The following DIS3 variants were observed in gnomAD, a reference collection of about 807,000 sequenced individuals.
The protein encoded by DIS3 is DIS3 exosome endoribonuclease and 3'-5' exoribonuclease, also known as exosome complex exonuclease RRP44.
In DIS3, 103 loss-of-function variants were observed where a neutral mutation model predicts 113.0. That is an observed-to-expected ratio of 0.91 (90% CI 0.78 to 1.07). The LOEUF (loss-of-function observed/expected upper bound fraction) is 1.07, where lower values mean the gene tolerates loss of function less well. DIS3 is among the 50% of genes least tolerant of loss of function. The probability of loss-of-function intolerance (pLI) is 0.00; values close to 1 mark genes in which losing one functional copy is unlikely to be tolerated. For synonymous variants in DIS3, 402 were observed against 394.3 expected (o/e 1.02, Z -0.23); for missense variants, 1,121 against 1,167.1 (o/e 0.96, Z 0.58).
Position 72,781,800 on chromosome 13 carries a change from G to C in DIS3, c.33C>G (p.Thr11=). MLKSKTFLKK[T]RAGGVMKIVR... is the part of the protein sequence containing the mutation. Reference sequence around the variant, plus strand: ...CGATCTTCATCACGCCGCCCGCCCGGGTCTTTTTTAAGAACGTCTTGGACT... The same window carrying C: ...CGATCTTCATCACGCCGCCCGCCCGCGTCTTTTTTAAGAACGTCTTGGACT... Residue 11 remains threonine (T), a synonymous_variant, in exon 1 of 21, where the codon ACC becomes ACG. Transcript: ENST00000377767. The C allele has an allele frequency of 2.5e-6, 4 of 1,604,060 alleles. No homozygotes were observed. Among genetic ancestry groups the C allele is most frequent in the Non-Finnish European group, 2.6e-6 (3 of 1,175,004 alleles).
chr13:72,781,172 C>A, intron 1 of DIS3, 169 bp from the exon 2 acceptor site: 1 of 1,397,868 alleles, frequency 7.2e-7, no homozygotes, highest in Non-Finnish European at 9.9e-7. Context: ...TCACTAAACC[C>A]TTCAGATCTA....
chr13:72,761,909 T>C lies in DIS3; in HGVS notation c.2342+14A>G. ...CCATTTTCTATCTCCTTTAATTTCA[T>C]AAGGAAAAAATACCTTCTAATGGGT... is the stretch of plus-strand genomic sequence containing the variant. On this transcript the variant is annotated intron_variant, in intron 17 of 20. Transcript: ENST00000377767. The C allele has an allele frequency of 6.2e-7, 1 of 1,613,400 alleles. No individual in the cohort carries two copies. The highest frequency in any genetic ancestry group is 8.5e-7 in the Non-Finnish European group (1 of 1,179,762).
chr13:72,763,686 T>A (rs1188901514), intron 15 of DIS3, 79 bp from the exon 16 acceptor site: 1 of 1,385,820 alleles, frequency 7.2e-7, no homozygotes, highest in African/African-American at 1.5e-5. Flanking sequence ...ACAGGTTACC[T>A]TTGTTACCAA....
At chr13:72,760,684 CT>C in intron 19 of DIS3, 33 bp from the exon 20 acceptor site, 1 of 1,602,596 alleles carries the variant, frequency 6.2e-7, no homozygotes, top group Non-Finnish European at 8.5e-7. Flanking sequence ...TTCTTAATTG[CT>C]TCCTTACATT....
At position 72,762,063 on chromosome 13, in the gene DIS3, T is replaced by C. The variant is rs376890545; in HGVS notation, c.2202A>G (p.Pro734=). 6.8e-6 allele frequency: 11 copies of C among 1,614,006 alleles called. No homozygotes were observed. The highest frequency in any genetic ancestry group is 3.3e-5 in the Admixed American group (2 of 60,006). The part of the protein sequence containing the change: ...SLDQAESPTF[P]YLNTLLRILA... ...ATATTCTCAACAGAGTGTTTAGATA[T>C]GGAAAAGTAGGAGATTCGGCCTGAT... The change falls in exon 17 of 21, where the codon CCA becomes CCG. Residue 734 remains proline, a synonymous_variant. Transcript: ENST00000377767.
chr13:72,761,071 C>T (rs1343294013), intron 19 of DIS3, among the ~76,000 whole-genome samples: 4 of 151,846 alleles, frequency 2.6e-5, no homozygotes, highest in East Asian at 3.9e-4. Context: ...GTTCCTTCCC[C>T]GAGTTATAAA....
rs202067860 is a variant in DIS3, at chr13:72,773,779, G to A, written c.1144C>T (p.Arg382Ter). The change falls in exon 8 of 21, where the codon CGA becomes TGA. Residue 382 changes from arginine to a stop codon, truncating the protein, a stop_gained. Transcript: ENST00000377767. LOFTEE classifies it high-confidence loss of function. ...LFTPADKRIPRIRIETRQAST... is the reference protein window; with the variant it reads ...LFTPADKRIP ...GCCTGTCTGGTTTCTATGCGAATTCGAGGGATTCTCTTATCAGCAGGTGTA... is the reference window on the plus strand; with the variant it reads ...GCCTGTCTGGTTTCTATGCGAATTCAAGGGATTCTCTTATCAGCAGGTGTA... 3.1e-6 allele frequency: 5 copies of A among 1,613,924 alleles called. No homozygotes were observed. The highest frequency in any genetic ancestry group is 1.7e-4 in the Middle Eastern group (1 of 6,058).
At chr13:72,767,157 G>T (rs1566242870) in intron 14 of DIS3, among the ~76,000 whole-genome samples, 1 of 150,476 alleles carries the variant, frequency 6.6e-6, no homozygotes, top group Non-Finnish European at 1.5e-5. Context: ...GCAAAAGACG[G>T]TTTTTTTTTC....
In DIS3 at chr13:72,781,700, C is replaced by T. The variant is rs2034238742; in HGVS notation, c.133G>A (p.Gly45Arg). 5 of 1,562,634 alleles carry T rather than the reference C, an allele frequency of 3.2e-6. No individual in the cohort carries two copies. The highest frequency in any genetic ancestry group is 4.3e-6 in the Non-Finnish European group (5 of 1,154,798). ...TGGGGCTGCGGCTCCAGGGCCGGCC[C>T]CTCGTGCGCCCCTCCACACGCTGCG... is the stretch of plus-strand genomic sequence containing the variant. ...GCAACGGAHEGPALEPQPQDP... is the reference protein window; with the variant it reads ...GCAACGGAHERPALEPQPQDP... The change falls in exon 1 of 21, where the codon GGG becomes AGG. Residue 45 changes from glycine (G) to arginine (R), a missense_variant. By Grantham distance (125) the Gly-to-Arg change is moderately radical. Coordinates refer to ENST00000377767, the MANE Select transcript of DIS3 (RefSeq NM_014953.5).
At position 72,776,008 on chromosome 13, in the gene DIS3, GGT is replaced by G; in HGVS notation, c.737_738del (p.Tyr246SerfsTer6). 6.2e-7 allele frequency: 1 copy of G among 1,611,384 alleles called. No individual in the cohort carries two copies. Among genetic ancestry groups the G allele is most frequent in the Non-Finnish European group, 8.5e-7 (1 of 1,179,096 alleles). ...KLQQGIKSGT[Y>X]LQGTFRASRE... Reference sequence around the variant, plus strand: ...CTGCTAGCTCTAAATGTTCCTTGAAGGTATGTACCAGATTTTATGCCTTGCTG... The same window carrying G: ...CTGCTAGCTCTAAATGTTCCTTGAAGATGTACCAGATTTTATGCCTTGCTG... On this transcript the variant is annotated frameshift_variant, in exon 5 of 21. Coordinates refer to ENST00000377767, the MANE Select transcript of DIS3 (RefSeq NM_014953.5). LOFTEE classifies it high-confidence loss of function.
intron 15 of DIS3, among the ~76,000 whole-genome samples, chr13:72,763,891 G>A (rs568242264): frequency 3.3e-4 from 50 of 152,276 alleles, no homozygotes; most frequent in Admixed American, 1.0e-3. Flanking sequence ...GCTCACACCT[G>A]TAATCCCAGC....
At chr13:72,763,884 C>A (rs2033688444) in intron 15 of DIS3, among the ~76,000 whole-genome samples, 2 of 152,152 alleles carry the variant, frequency 1.3e-5, no homozygotes, top group Non-Finnish European at 2.9e-5. Flanking sequence ...TGCAGTGGCT[C>A]ACACCTGTAA....
chr13:72,768,927 G>C lies in DIS3; in HGVS notation c.1756-15C>G, dbSNP rs1183295445. The C allele has an allele frequency of 6.5e-7, 1 of 1,539,086 alleles. No individual in the cohort carries two copies. Among genetic ancestry groups the C allele is most frequent in the Non-Finnish European group, 8.9e-7 (1 of 1,121,664 alleles). On this transcript the variant is annotated splice_polypyrimidine_tract_variant and intron_variant, in intron 13 of 20. Coordinates refer to ENST00000377767, the MANE Select transcript of DIS3 (RefSeq NM_014953.5). ...GTCAGAGATGCCTAAAAAAGAAAAT[G>C]TATGTTATATAATTCTTATAAATGA...
chr13:72,770,816 C>T (rs2138199070), intron 13 of DIS3, 88 bp downstream of exon 13: 1 of 779,288 alleles, frequency 1.3e-6, no homozygotes, highest in Non-Finnish European at 2.0e-6. Context: ...TATATACGTA[C>T]ATGTGAATCT....
chr13:72,763,559 A>G lies in DIS3; in HGVS notation c.2019T>C (p.Ser673=), dbSNP rs369430613. 8.7e-6 allele frequency: 14 copies of G among 1,613,734 alleles called. No individual in the cohort carries two copies. The highest frequency in any genetic ancestry group is 1.2e-5 in the Non-Finnish European group (14 of 1,179,946). The change falls in exon 16 of 21, where the codon TCT becomes TCC. Residue 673 remains serine, a synonymous_variant. Transcript: ENST00000377767. ...ATTCCTCATGAATTTTTTTTGCAAC[A>G]GAAATATTGGCAAGTAACATAAATT... The part of the protein sequence containing the change: ...VEEFMLLANI[S]VAKKIHEEFS...
Position 72,753,488 on chromosome 13 carries a change from T to C in DIS3, c.*6307A>G, listed in dbSNP as rs2033337285. Reference sequence around the variant, plus strand: ...ACAAGATATATTTCATTGGAAGGAATTGTAAAATGACTACAATAATCAGTA... The same window carrying C: ...ACAAGATATATTTCATTGGAAGGAACTGTAAAATGACTACAATAATCAGTA... On this transcript the variant is annotated 3_prime_UTR_variant, in exon 21 of 21. Coordinates refer to ENST00000377767, the MANE Select transcript of DIS3 (RefSeq NM_014953.5). 3 of 438,662 alleles carry C rather than the reference T, an allele frequency of 6.8e-6. No individual in the cohort carries two copies. Among genetic ancestry groups the C allele is most frequent in the South Asian group, 4.9e-5 (1 of 20,554 alleles). The allele number at this position is 438,662 out of a possible 1,614,324, so 27.2% of individuals were successfully genotyped here.
At chr13:72,781,084 G>T in intron 1 of DIS3, 81 bp from the exon 2 acceptor site, 1 of 1,425,476 alleles carries the variant, frequency 7.0e-7, no homozygotes, top group Non-Finnish European at 9.6e-7. Context: ...TTTATGTTGG[G>T]CATAAATACT....
intron 13 of DIS3, among the ~76,000 whole-genome samples, chr13:72,770,211 T>C (rs1232152442): frequency 8.3e-6 from 1 of 120,342 alleles, no homozygotes; most frequent in African/African-American, 2.6e-5. Context: ...TCTTTGTAAG[T>C]TTCTGAATAC....
chr13:72,752,978 C>T lies in DIS3; in HGVS notation c.*6817G>A, dbSNP rs554421784. On this transcript the variant is annotated 3_prime_UTR_variant, in exon 21 of 21. Coordinates refer to ENST00000377767, the MANE Select transcript of DIS3 (RefSeq NM_014953.5). The stretch of plus-strand genomic sequence containing the variant: ...GAACAGAACCTGGACTTAGGTCTCA[C>T]ATCTTCATCACCTCATCACTGGATG... 6.6e-6 allele frequency: 1 copy of T among 152,328 alleles called. No individual in the cohort carries two copies. The highest frequency in any genetic ancestry group is 1.9e-4 in the East Asian group (1 of 5,188). The allele number at this position is 152,328 out of a possible 1,614,324, so 9.4% of individuals were successfully genotyped here.
Sources: allele counts gnomAD v4.1 joint callset (sites outside exome capture counted in the v4.1 genomes callset), GRCh38; gene constraint gnomAD v4.1.1; transcripts MANE v1.5; gene names NCBI Gene and HGNC (gene_info 2026-07-23, HGNC 2026-07-21).